Variants in SLC24A3 observed in about 807,000 individuals in gnomAD.
SLC24A3 encodes the protein sodium/potassium/calcium exchanger 3.
SLC24A3 carries 28 observed loss-of-function variants against 75.8 expected under a neutral mutation model. The ratio of observed to expected loss-of-function variants is 0.37; its 90% CI spans 0.27 to 0.51. The LOEUF (loss-of-function observed/expected upper bound fraction) is 0.51, where lower values mean the gene tolerates loss of function less well. SLC24A3 is among the 20% of genes least tolerant of loss of function. The pLI is 0.94. For missense variants in SLC24A3, 663 were observed against 847.8 expected (o/e 0.78, Z 2.71); for synonymous variants, 372 against 334.1 (o/e 1.11, Z -1.24).
intron 2 of SLC24A3, among the ~76,000 whole-genome samples, chr20:19,321,926 TG>T (rs1319051187): frequency 1.3e-5 from 2 of 152,220 alleles, no homozygotes; most frequent in African/African-American, 4.8e-5. Context: ...GACATTTGGA[TG>T]CATCCAGGCC....
At chr20:19,353,682 T>G (rs1335956474) in intron 2 of SLC24A3, among the ~76,000 whole-genome samples, 1 of 152,168 alleles carries the variant, frequency 6.6e-6, no homozygotes, top group Non-Finnish European at 1.5e-5. Context: ...TTTATCACAT[T>G]AGCCAGACTA....
intron 6 of SLC24A3, among the ~76,000 whole-genome samples, chr20:19,631,447 A>T (rs1162194677): frequency 1.3e-5 from 2 of 151,686 alleles, no homozygotes; most frequent in African/African-American, 2.4e-5. Flanking sequence ...ATCAACTTTT[A>T]TTTTTTTTTA....
chr20:19,469,964 C>T (rs1211627990), intron 2 of SLC24A3, among the ~76,000 whole-genome samples: 1 of 152,162 alleles, frequency 6.6e-6, no homozygotes, highest in Non-Finnish European at 1.5e-5. Flanking sequence ...CCCACATAGA[C>T]CTCCTCCCTG....
rs1479051095 is a variant in SLC24A3, at chr20:19,556,578, A to G, written c.349-23422A>G. On this transcript the variant is annotated intron_variant, in intron 3 of 16. Transcript: ENST00000328041. ...TGTCACTGTAGTGGCCAGTGTGTGA[A>G]AAAAAAAAAAAAAAAAGAAAAGGCA... is the stretch of plus-strand genomic sequence containing the variant. Among the ~76,000 whole-genome samples, 17 of 12,306 alleles carry G rather than the reference A, an allele frequency of 1.4e-3. No individual in the cohort carries two copies. The East Asian group carries it at 0.02, about 14-fold the overall frequency. The allele number at this position is 12,306 out of a possible 152,430, so 8.1% of individuals were successfully genotyped here.
intron 2 of SLC24A3, among the ~76,000 whole-genome samples, chr20:19,335,001 C>T (rs1004457045): frequency 3.0e-4 from 45 of 152,274 alleles, no homozygotes; most frequent in African/African-American, 1.1e-3. Flanking sequence ...GTACTTTAGT[C>T]TGAATCAGAA....
At chr20:19,328,526 G>C (rs539855540) in intron 2 of SLC24A3, among the ~76,000 whole-genome samples, 1 of 152,286 alleles carries the variant, frequency 6.6e-6, no homozygotes, top group East Asian at 1.9e-4. Context: ...TTGCAGGATT[G>C]ACTGGACATG....
At chr20:19,348,275 C>A (rs910806156) in intron 2 of SLC24A3, among the ~76,000 whole-genome samples, 1 of 152,144 alleles carries the variant, frequency 6.6e-6, no homozygotes, top group African/African-American at 2.4e-5. Flanking sequence ...TTGCTTTCTT[C>A]AAGGAGAACT....
At chr20:19,663,281 C>T (rs2032351071) in intron 7 of SLC24A3, among the ~76,000 whole-genome samples, 1 of 151,058 alleles carries the variant, frequency 6.6e-6, no homozygotes, top group South Asian at 2.1e-4. Context: ...TTGTTCATTT[C>T]ATTGTTCTTT....
chr20:19,378,309 A>G (rs893426461), intron 2 of SLC24A3, among the ~76,000 whole-genome samples: 1 of 152,260 alleles, frequency 6.6e-6, no homozygotes, highest in Non-Finnish European at 1.5e-5. Context: ...AAATAAAGTT[A>G]TCCAGGCCAC....
chr20:19,279,912 C>G (rs993648569), intron 1 of SLC24A3, among the ~76,000 whole-genome samples: 4 of 152,198 alleles, frequency 2.6e-5, no homozygotes, highest in Non-Finnish European at 5.9e-5. Flanking sequence ...GGTCGAGCAC[C>G]ACGGCATCTG....
chr20:19,605,099 G>GA (rs908768274), intron 6 of SLC24A3, among the ~76,000 whole-genome samples: 77 of 151,850 alleles, frequency 5.1e-4, no homozygotes, highest in Middle Eastern at 6.8e-3. Flanking sequence ...GTTAAATTAG[G>GA]AAAAAAAACA....
At chr20:19,297,880 C>G (rs1984097646) in intron 2 of SLC24A3, among the ~76,000 whole-genome samples, 1 of 152,180 alleles carries the variant, frequency 6.6e-6, no homozygotes, top group Non-Finnish European at 1.5e-5. Context: ...AAAGCAGAAC[C>G]ATGAACTGGT....
At chr20:19,382,055 G>A (rs938177170) in intron 2 of SLC24A3, among the ~76,000 whole-genome samples, 3 of 152,206 alleles carry the variant, frequency 2.0e-5, no homozygotes, top group East Asian at 1.9e-4. Flanking sequence ...CATCCTTTCC[G>A]ATATTTAATG....
chr20:19,231,967 T>TGTATGTAGCAGAAAC (rs1472389971), intron 1 of SLC24A3, among the ~76,000 whole-genome samples: 3 of 152,214 alleles, frequency 2.0e-5, no homozygotes, highest in Admixed American at 1.3e-4. Context: ...AGAAACTTGG[T>TGTATGTAGCAGAAAC]TTGGTGCATT....
At chr20:19,526,969 C>A (rs538363339) in intron 3 of SLC24A3, among the ~76,000 whole-genome samples, 1 of 152,252 alleles carries the variant, frequency 6.6e-6, no homozygotes, top group South Asian at 2.1e-4. Context: ...CATGTGATGA[C>A]TATGTTTGCA....
intron 6 of SLC24A3, among the ~76,000 whole-genome samples, chr20:19,585,768 C>T (rs893627033): frequency 3.3e-5 from 5 of 152,162 alleles, no homozygotes; most frequent in South Asian, 4.1e-4. Flanking sequence ...ATATAGAATG[C>T]TCAGGTCCAC....
intron 3 of SLC24A3, among the ~76,000 whole-genome samples, chr20:19,528,856 C>G (rs991502313): frequency 6.6e-6 from 1 of 152,162 alleles, no homozygotes; most frequent in African/African-American, 2.4e-5. Context: ...ATGGGACCAG[C>G]GGTTTGACTG....
intron 1 of SLC24A3, among the ~76,000 whole-genome samples, chr20:19,237,579 G>A (rs1020590763): frequency 6.6e-6 from 1 of 152,140 alleles, no homozygotes; most frequent in East Asian, 1.9e-4. Context: ...AACACCAGCA[G>A]GGCCAGGCTG....
intron 1 of SLC24A3, among the ~76,000 whole-genome samples, chr20:19,249,736 A>G (rs1023033042): frequency 2.0e-5 from 3 of 152,166 alleles, no homozygotes; most frequent in Admixed American, 6.5e-5. Flanking sequence ...CACTTTGAAA[A>G]AAAATCAGCA....
Sources: gnomAD v4.1 joint callset for allele counts (sites outside exome capture counted in the v4.1 genomes callset) on GRCh38, gnomAD v4.1.1 for gene constraint, MANE v1.5 for transcripts, NCBI Gene and HGNC (gene_info 2026-07-23, HGNC 2026-07-21) for gene names.